The following AK5 variants were observed in gnomAD, a reference collection of about 807,000 sequenced individuals.
The protein encoded by AK5 is adenylate kinase isoenzyme 5.
Under a neutral mutation model 69.5 loss-of-function variants are expected in AK5, and 27 were observed. The observed-to-expected ratio is 0.39, with a 90% CI of 0.29 to 0.54. The LOEUF (loss-of-function observed/expected upper bound fraction) is 0.54, where lower values mean the gene tolerates loss of function less well. AK5 is among the 20% of genes least tolerant of loss of function. The probability of loss-of-function intolerance (pLI) is 0.71; values close to 1 mark genes in which losing one functional copy is unlikely to be tolerated. For missense variants in AK5, 531 were observed against 700.4 expected (o/e 0.76, Z 2.73); for synonymous variants, 260 against 244.4 (o/e 1.06, Z -0.60).
chr1:77,304,308 A>T (rs1659510586), intron 5 of AK5, among the ~76,000 whole-genome samples: 1 of 152,032 alleles, frequency 6.6e-6, no homozygotes, highest in African/African-American at 2.4e-5. Flanking sequence ...TTTACTTAAC[A>T]TAATCACCTC....
At chr1:77,462,613 A>G (rs1387434560) in intron 8 of AK5, among the ~76,000 whole-genome samples, 5 of 152,172 alleles carry the variant, frequency 3.3e-5, no homozygotes, top group Non-Finnish European at 5.9e-5. Flanking sequence ...CTATTCACAT[A>G]ATATGTTATG....
chr1:77,397,769 C>T (rs1407139092), intron 6 of AK5, among the ~76,000 whole-genome samples: 2 of 152,078 alleles, frequency 1.3e-5, no homozygotes, highest in Non-Finnish European at 2.9e-5. Context: ...AGGTATGGTG[C>T]CACGTGCCTG....
intron 10 of AK5, among the ~76,000 whole-genome samples, chr1:77,500,229 T>C (rs1656630556): frequency 6.6e-6 from 1 of 152,140 alleles, no homozygotes; most frequent in South Asian, 2.1e-4. Context: ...ATAAAGTCTT[T>C]ATGGCCCCTT....
chr1:77,417,271 G>A (rs1257937266), intron 7 of AK5, among the ~76,000 whole-genome samples: 1 of 152,022 alleles, frequency 6.6e-6, no homozygotes, highest in Non-Finnish European at 1.5e-5. Flanking sequence ...TGGACAACCT[G>A]TATTCACCCT....
chr1:77,339,330 C>T (rs962846639), intron 5 of AK5, among the ~76,000 whole-genome samples: 3 of 152,212 alleles, frequency 2.0e-5, no homozygotes, highest in Non-Finnish European at 4.4e-5. Flanking sequence ...GCTGCATTCA[C>T]TTCATATAGT....
intron 7 of AK5, among the ~76,000 whole-genome samples, chr1:77,413,097 C>T (rs900426471): frequency 6.6e-6 from 1 of 152,042 alleles, no homozygotes; most frequent in Admixed American, 6.6e-5. Context: ...CCACGAGTAC[C>T]CTTAGCACAG....
intron 10 of AK5, among the ~76,000 whole-genome samples, chr1:77,489,642 A>G (rs1655852407): frequency 6.6e-6 from 1 of 152,244 alleles, no homozygotes. Context: ...TTGTCTTGGC[A>G]TATACCCGAA....
chr1:77,550,807 T>A (rs1000546045), intron 13 of AK5, among the ~76,000 whole-genome samples: 1 of 152,240 alleles, frequency 6.6e-6, no homozygotes, highest in Non-Finnish European at 1.5e-5. Context: ...ACCTGTAGAA[T>A]GAAAGGAGAA....
intron 13 of AK5, among the ~76,000 whole-genome samples, chr1:77,556,718 A>G (rs1043535195): frequency 9.2e-5 from 14 of 152,212 alleles, no homozygotes; most frequent in African/African-American, 3.4e-4. Context: ...ACTAGTTTGC[A>G]CAAAGAAGAT....
At chr1:77,422,794 C>T (rs1454625142) in intron 8 of AK5, among the ~76,000 whole-genome samples, 1 of 152,170 alleles carries the variant, frequency 6.6e-6, no homozygotes, top group Non-Finnish European at 1.5e-5. Flanking sequence ...TCAATAAATG[C>T]CCATTTGTTT....
intron 13 of AK5, among the ~76,000 whole-genome samples, chr1:77,556,277 T>G (rs1660099207): frequency 6.6e-6 from 1 of 152,148 alleles, no homozygotes; most frequent in East Asian, 1.9e-4. Context: ...AAGAAGTAAC[T>G]CATGTCCTGG....
rs944231168 is a variant in AK5 at position 77,312,100 on chromosome 1, T to C, written c.699+14153T>C. ...AATAAGTCCATGGTAGCAGAAGTAA[T>C]ATTTAGGAAGTACGTGCCAAGTGCC... On this transcript the variant is annotated intron_variant, in intron 5 of 13. Coordinates refer to ENST00000354567, the MANE Select transcript of AK5 (RefSeq NM_174858.3). Among the ~76,000 whole-genome samples the C allele has an allele frequency of 2.8e-4, 43 of 152,136 alleles. 1 individual carries two copies. The highest frequency in any genetic ancestry group is 9.9e-4 in the African/African-American group (41 of 41,382).
intron 13 of AK5, among the ~76,000 whole-genome samples, chr1:77,554,043 C>A (rs1273171304): frequency 6.6e-6 from 1 of 152,186 alleles, no homozygotes; most frequent in Non-Finnish European, 1.5e-5. Context: ...TGCCAAGAAA[C>A]CAGTCACAAA....
chr1:77,421,423 T>G (rs1650805384), intron 8 of AK5, among the ~76,000 whole-genome samples: 1 of 152,098 alleles, frequency 6.6e-6, no homozygotes, highest in Non-Finnish European at 1.5e-5. Context: ...ATAGGCTAGG[T>G]TATGCTGGTA....
chr1:77,461,580 G>T (rs918574684), intron 8 of AK5, among the ~76,000 whole-genome samples: 3 of 151,716 alleles, frequency 2.0e-5, no homozygotes, highest in South Asian at 2.1e-4. Flanking sequence ...GACCACCCTG[G>T]CCAACATGGT....
At chr1:77,318,855 G>A (rs903069757) in intron 5 of AK5, among the ~76,000 whole-genome samples, 60 of 151,958 alleles carry the variant, frequency 3.9e-4, no homozygotes, top group African/African-American at 1.3e-3. Flanking sequence ...GATCCTTATC[G>A]TATAATGCTT....
intron 6 of AK5, among the ~76,000 whole-genome samples, chr1:77,374,786 C>T (rs1647193461): frequency 6.6e-6 from 1 of 150,900 alleles, no homozygotes; most frequent in African/African-American, 2.4e-5. Context: ...CACCACTACT[C>T]TCCAGCCTGG....
chr1:77,444,867 C>T (rs1469607473), intron 8 of AK5, among the ~76,000 whole-genome samples: 8 of 151,352 alleles, frequency 5.3e-5, no homozygotes, highest in African/African-American at 1.9e-4. Context: ...TATAAAACAC[C>T]ATCGCTGGCC....
intron 6 of AK5, among the ~76,000 whole-genome samples, chr1:77,353,198 C>T (rs1662306171): frequency 6.6e-6 from 1 of 152,160 alleles, no homozygotes; most frequent in Non-Finnish European, 1.5e-5. Context: ...TTAGTGCCAG[C>T]CAGGCATGGT....
Sources: gnomAD v4.1 joint callset for allele counts (sites outside exome capture counted in the v4.1 genomes callset) on GRCh38, gnomAD v4.1.1 for gene constraint, MANE v1.5 for transcripts, NCBI Gene and HGNC (gene_info 2026-07-23, HGNC 2026-07-21) for gene names.